The following ELAVL2 variants were observed in gnomAD, a reference collection of about 807,000 sequenced individuals.
ELAVL2 encodes ELAV-like protein 2.
In ELAVL2, 4 loss-of-function variants were observed where a neutral mutation model predicts 34.6. The ratio of observed to expected loss-of-function variants is 0.12; its 90% confidence interval spans 0.06 to 0.26. The LOEUF is 0.26. Ranked by LOEUF, ELAVL2 falls within the 10% of genes least tolerant of loss-of-function variation. The pLI is 1.00. For missense variants in ELAVL2, 432 were observed against 442.8 expected, an observed-to-expected ratio of 0.98 and a Z score of 0.22; for synonymous variants, 193 against 154.8, an observed-to-expected ratio of 1.25 and a Z score of -1.83.
At chr9:23,753,108 A>C (rs16907695) in intron 2 of ELAVL2, among the ~76,000 whole-genome samples, 14,863 of 152,232 alleles carry the variant, frequency 0.098, 796 homozygotes, top group Middle Eastern at 0.21. Context: ...AAGGACTAAA[A>C]CATGCTAATT....
chr9:23,711,493 T>C (rs1248639713), intron 3 of ELAVL2, among the ~76,000 whole-genome samples: 1 of 152,208 alleles, frequency 6.6e-6, no homozygotes, highest in Non-Finnish European at 1.5e-5. Context: ...TCCATACAAG[T>C]ATACAAAACC....
intron 1 of ELAVL2, among the ~76,000 whole-genome samples, chr9:23,813,211 C>A (rs2063244211): frequency 6.6e-6 from 1 of 152,116 alleles, no homozygotes; most frequent in Non-Finnish European, 1.5e-5. Context: ...CAGCATTGGT[C>A]CAAACATGAC....
At chr9:23,723,973 C>A (rs983746169) in intron 3 of ELAVL2, among the ~76,000 whole-genome samples, 7 of 152,234 alleles carry the variant, frequency 4.6e-5, no homozygotes, top group Admixed American at 3.9e-4. Flanking sequence ...GCAATACTCA[C>A]AAGGAGGCAG....
chr9:23,732,037 T>C (rs1482340797), intron 2 of ELAVL2, among the ~76,000 whole-genome samples: 1 of 152,194 alleles, frequency 6.6e-6, no homozygotes, highest in African/African-American at 2.4e-5. Context: ...GTTTCTCAGT[T>C]TGAAATGGCA....
intron 2 of ELAVL2, among the ~76,000 whole-genome samples, chr9:23,748,355 ACT>A (rs2051028136): frequency 6.6e-6 from 1 of 152,150 alleles, no homozygotes; most frequent in South Asian, 2.1e-4. Flanking sequence ...GATGTTACAC[ACT>A]GTGTCCTGTG....
At chr9:23,708,539 G>T (rs746018295) in intron 3 of ELAVL2, among the ~76,000 whole-genome samples, 1 of 152,210 alleles carries the variant, frequency 6.6e-6, no homozygotes, top group Non-Finnish European at 1.5e-5. Context: ...CTTGTTCTGA[G>T]TTGGGAAAAA....
chr9:23,773,843 G>A (rs2057729684), intron 1 of ELAVL2, among the ~76,000 whole-genome samples: 3 of 151,958 alleles, frequency 2.0e-5, no homozygotes, highest in Non-Finnish European at 4.4e-5. Flanking sequence ...AAACTCTAAG[G>A]TGCCAAGTGA....
chr9:23,796,408 A>G (rs933994318), intron 1 of ELAVL2, among the ~76,000 whole-genome samples: 1 of 152,242 alleles, frequency 6.6e-6, no homozygotes, highest in African/African-American at 2.4e-5. Flanking sequence ...ACATCACATA[A>G]AAGGACTCTC....
intron 1 of ELAVL2, among the ~76,000 whole-genome samples, chr9:23,773,429 C>G (rs1460508815): frequency 6.6e-6 from 1 of 152,140 alleles, no homozygotes; most frequent in African/African-American, 2.4e-5. Context: ...AGACTTCCCG[C>G]TTTGCAAGTT....
chr9:23,739,574 T>G (rs2048672831), intron 2 of ELAVL2, among the ~76,000 whole-genome samples: 1 of 150,916 alleles, frequency 6.6e-6, no homozygotes, highest in Non-Finnish European at 1.5e-5. Flanking sequence ...CTAACAGTCT[T>G]ATATTATCTG....
At chr9:23,706,266 A>T (rs901854036) in intron 3 of ELAVL2, among the ~76,000 whole-genome samples, 1 of 152,222 alleles carries the variant, frequency 6.6e-6, no homozygotes, top group Non-Finnish European at 1.5e-5. Context: ...TATAATCATC[A>T]TTCCTCATGT....
intron 1 of ELAVL2, among the ~76,000 whole-genome samples, chr9:23,763,925 A>G (rs1028298057): frequency 4.6e-5 from 7 of 152,188 alleles, no homozygotes; most frequent in African/African-American, 1.7e-4. Context: ...GGGAATACTT[A>G]AAGGGATGAA....
intron 1 of ELAVL2, among the ~76,000 whole-genome samples, chr9:23,823,193 A>G (rs1419913188): frequency 6.6e-6 from 1 of 152,180 alleles, no homozygotes; most frequent in Non-Finnish European, 1.5e-5. Flanking sequence ...TCCTGGGAAA[A>G]CTGCTCAAAG....
Position 23,704,947 on chromosome 9 carries a change from G to A in ELAVL2, c.458C>T (p.Thr153Ile). The A allele has an allele frequency of 6.2e-7, 1 of 1,614,102 alleles. No homozygotes were observed. The highest frequency in any genetic ancestry group is 1.7e-5 in the Admixed American group (1 of 60,020). ...QLFSQYGRII[T>I]SRILVDQVTG... ...GACCTGGTCGACAAGAATACGAGAA[G>A]TAATAATGCGTCCATATTGTGAAAA... The change falls in exon 4 of 7, where the codon ACT becomes ATT. Residue 153 changes from threonine to isoleucine, a missense_variant. Coordinates refer to ENST00000397312, the MANE Select transcript of ELAVL2 (RefSeq NM_004432.5).
At chr9:23,751,171 C>T (rs965004482) in intron 2 of ELAVL2, among the ~76,000 whole-genome samples, 9 of 151,900 alleles carry the variant, frequency 5.9e-5, no homozygotes, top group Admixed American at 3.9e-4. Context: ...GACTTGTACG[C>T]CATACACATT....
At chr9:23,809,958 T>C (rs2062759380) in intron 1 of ELAVL2, among the ~76,000 whole-genome samples, 1 of 152,156 alleles carries the variant, frequency 6.6e-6, no homozygotes, top group African/African-American at 2.4e-5. Context: ...AACATCCTAT[T>C]GAACACTTGA....
intron 3 of ELAVL2, among the ~76,000 whole-genome samples, chr9:23,728,431 T>C (rs545503476): frequency 6.6e-6 from 1 of 152,124 alleles, no homozygotes; most frequent in South Asian, 2.1e-4. Flanking sequence ...AGCTTACAAG[T>C]AAAGAGCCAG....
upstream of ELAVL2, among the ~76,000 whole-genome samples, chr9:23,826,622 A>G (rs2065315918): frequency 6.6e-6 from 1 of 152,214 alleles, no homozygotes; most frequent in Admixed American, 6.5e-5. Flanking sequence ...GAACTGTACT[A>G]TCAGAGTTTG....
At chr9:23,798,482 G>C (rs915299917) in intron 1 of ELAVL2, among the ~76,000 whole-genome samples, 1 of 152,134 alleles carries the variant, frequency 6.6e-6, no homozygotes, top group African/African-American at 2.4e-5. Context: ...TCAGAGTTTT[G>C]TAAGAACTCA....
Sources: gnomAD v4.1 joint callset for allele counts (sites outside exome capture counted in the v4.1 genomes callset) on GRCh38, gnomAD v4.1.1 for gene constraint, MANE v1.5 for transcripts, NCBI Gene and HGNC (gene_info 2026-07-23, HGNC 2026-07-21) for gene names.